The following PTPRZ1 variants were observed in gnomAD, a reference collection of about 807,000 sequenced individuals.
PTPRZ1 encodes the protein protein tyrosine phosphatase receptor type Z1, also known as receptor-type tyrosine-protein phosphatase zeta.
PTPRZ1 carries 82 observed loss-of-function variants against 214.1 expected under a neutral mutation model. That is an observed-to-expected ratio of 0.38 (90% CI 0.32 to 0.46). PTPRZ1 has a LOEUF of 0.46. Among genes scored for constraint, PTPRZ1 ranks in the 20% least tolerant of loss-of-function variants. The pLI is 1.00. For synonymous variants in PTPRZ1, 945 were observed against 987.9 expected (o/e 0.96, Z 0.81); for missense variants, 2,603 against 2,748.7 (o/e 0.95, Z 1.19).
At chr7:122,021,905 T>C (rs1051442932) in intron 13 of PTPRZ1, among the ~76,000 whole-genome samples, 1 of 152,222 alleles carries the variant, frequency 6.6e-6, no homozygotes, top group Non-Finnish European at 1.5e-5. Context: ...AATTTTCATA[T>C]CATCATATGC....
rs1584788907 is a variant in PTPRZ1 at position 122,060,929 on chromosome 7, G to A, written c.6808-151G>A. 10 of 551,236 alleles carry A rather than the reference G, an allele frequency of 1.8e-5. No homozygotes were observed. The South Asian group carries it at 3.4e-4, about 19-fold the overall frequency. The allele number at this position is 551,236 out of a possible 1,614,324, so 34.1% of individuals were successfully genotyped here. On this transcript the variant is annotated intron_variant, in intron 29 of 29. Transcript: ENST00000393386. ...TTTAATCAGAAGAGACATCAGTATA[G>A]GTTGTGTGCATCTGCTGAGTATAAC...
chr7:121,966,502 C>G (rs901191898), intron 2 of PTPRZ1, among the ~76,000 whole-genome samples: 8 of 152,138 alleles, frequency 5.3e-5, no homozygotes, highest in Admixed American at 6.6e-5. Context: ...AACATCATTA[C>G]TCAAATCATT....
chr7:121,937,171 C>T (rs572680826), intron 2 of PTPRZ1, among the ~76,000 whole-genome samples: 189 of 152,226 alleles, frequency 1.2e-3, no homozygotes, highest in African/African-American at 4.1e-3. Context: ...TGTGCAATTG[C>T]ACAATTGCAC....
chr7:121,887,549 C>A (rs1319663671), intron 1 of PTPRZ1, among the ~76,000 whole-genome samples: 1 of 152,060 alleles, frequency 6.6e-6, no homozygotes, highest in East Asian at 1.9e-4. Flanking sequence ...AGATTTTGAA[C>A]TGAATTGGCA....
At chr7:121,998,097 T>C in intron 10 of PTPRZ1, 91 bp downstream of exon 10, 2 of 1,413,488 alleles carry the variant, frequency 1.4e-6, no homozygotes, top group South Asian at 1.3e-5. Flanking sequence ...CTATATTCTT[T>C]TGGCCAAAAG....
intron 1 of PTPRZ1, among the ~76,000 whole-genome samples, chr7:121,879,061 G>A (rs1292979393): frequency 6.6e-6 from 1 of 152,146 alleles, no homozygotes; most frequent in African/African-American, 2.4e-5. Context: ...AGAAATACAC[G>A]TAAGCATATA....
At chr7:121,873,638 T>TGCCGCC (rs747244152) in intron 1 of PTPRZ1, 81 bp downstream of exon 1, 9 of 1,513,366 alleles carry the variant, frequency 5.9e-6, no homozygotes, top group Admixed American at 1.7e-5. Context: ...GTCCGCGACT[T>TGCCGCC]GCCGCCGCCG....
chr7:122,001,379 T>C (rs1017501761), intron 10 of PTPRZ1, among the ~76,000 whole-genome samples: 1 of 152,330 alleles, frequency 6.6e-6, no homozygotes, highest in Admixed American at 6.5e-5. Flanking sequence ...CTAATTAACA[T>C]ACAGCTCTGG....
chr7:121,896,044 T>C (rs1372074059), intron 1 of PTPRZ1, among the ~76,000 whole-genome samples: 1 of 152,210 alleles, frequency 6.6e-6, no homozygotes, highest in African/African-American at 2.4e-5. Context: ...ATATATTCAC[T>C]GATTATCTGA....
intron 14 of PTPRZ1, among the ~76,000 whole-genome samples, chr7:122,029,453 G>T (rs1799307276): frequency 1.3e-5 from 2 of 151,908 alleles, no homozygotes; most frequent in South Asian, 4.1e-4. Flanking sequence ...TAACATCTTG[G>T]ATTGAAAAGT....
intron 1 of PTPRZ1, among the ~76,000 whole-genome samples, chr7:121,919,619 C>A (rs935826737): frequency 2.0e-5 from 3 of 151,890 alleles, no homozygotes; most frequent in Admixed American, 6.6e-5. Context: ...TAAAAACATT[C>A]TTTATTCCAC....
intron 6 of PTPRZ1, among the ~76,000 whole-genome samples, chr7:121,977,375 CT>C (rs1461152574): frequency 2.0e-5 from 3 of 152,184 alleles, no homozygotes; most frequent in African/African-American, 7.2e-5. Flanking sequence ...TGACATTGTT[CT>C]GCCTGCTATC....
chr7:122,022,547 T>C (rs1477173837), intron 13 of PTPRZ1, among the ~76,000 whole-genome samples: 1 of 152,240 alleles, frequency 6.6e-6, no homozygotes, highest in Non-Finnish European at 1.5e-5. Flanking sequence ...TTTTTATATA[T>C]TCTAGATACA....
chr7:122,014,525 G>A (rs1029867206), intron 12 of PTPRZ1, among the ~76,000 whole-genome samples: 5 of 151,994 alleles, frequency 3.3e-5, no homozygotes, highest in Admixed American at 6.6e-5. Flanking sequence ...TACAAGCTCC[G>A]CCTCCCAGGT....
chr7:122,037,066 A>T (rs961349130), intron 18 of PTPRZ1, among the ~76,000 whole-genome samples: 1 of 151,992 alleles, frequency 6.6e-6, no homozygotes, highest in Non-Finnish European at 1.5e-5. Context: ...AGGTCAGAAG[A>T]TCGAGACCAT....
At chr7:121,886,370 A>G (rs1794396938) in intron 1 of PTPRZ1, among the ~76,000 whole-genome samples, 1 of 151,928 alleles carries the variant, frequency 6.6e-6, no homozygotes, top group Non-Finnish European at 1.5e-5. Context: ...TTTTTTATAT[A>G]TCATATATGT....
In PTPRZ1 at chr7:122,042,709, T is replaced by C; in HGVS notation, c.5903T>C (p.Ile1968Thr). 2 of 1,612,988 alleles carry C rather than the reference T, an allele frequency of 1.2e-6. No homozygotes were observed. The highest frequency in any genetic ancestry group is 1.7e-6 in the Non-Finnish European group (2 of 1,178,968). ...TVNIFGFLKH[I>T]RSQRNYLVQT... Reference sequence around the variant, plus strand: ...AACATATTTGGCTTCTTAAAACACATCCGTTCACAAAGAAATTATTTGGTA... The same window carrying C: ...AACATATTTGGCTTCTTAAAACACACCCGTTCACAAAGAAATTATTTGGTA... The change falls in exon 22 of 30, where the codon ATC becomes ACC. Residue 1968 changes from isoleucine (I) to threonine (T), a missense_variant. Around this residue, in one of 6 missense-constraint regions of PTPRZ1, gnomAD observed 1,913 missense variants for 1,914.3 expected, o/e 1.00. Transcript: ENST00000393386.
chr7:122,037,301 G>A (rs1027489153), intron 18 of PTPRZ1, among the ~76,000 whole-genome samples: 4 of 151,992 alleles, frequency 2.6e-5, no homozygotes, highest in Non-Finnish European at 5.9e-5. Context: ...TGAAGGGCAG[G>A]GCCAAGGCTT....
In PTPRZ1 at chr7:121,968,075, G is replaced by C; in HGVS notation, c.249G>C (p.Gln83His). Residue 83 changes from glutamine (Q) to histidine (H), a missense_variant, in exon 3 of 30, where the codon CAG (glutamine) becomes CAC (histidine). By Grantham distance (24) the Gln-to-His change is conservative. This residue lies in a region of PTPRZ1 where 141 missense variants were observed against 143.7 expected (regional missense o/e 0.98). Transcript: ENST00000393386. Reference protein sequence around the residue: ...VNVNLKKLKFQGWDKTSLENT... With the variant: ...VNVNLKKLKFHGWDKTSLENT... The stretch of plus-strand genomic sequence containing the variant: ...TGAATCTTAAGAAACTTAAATTTCA[G>C]GGTTGGGATAAAACATCATTGGAAA... 1 of 1,607,040 alleles carries C rather than the reference G, an allele frequency of 6.2e-7. No individual in the cohort carries two copies. The highest frequency in any genetic ancestry group is 8.5e-7 in the Non-Finnish European group (1 of 1,176,092).
Sources: gnomAD v4.1 joint callset for allele counts (sites outside exome capture counted in the v4.1 genomes callset) on GRCh38, gnomAD v4.1.1 for gene constraint, gnomAD v4.1.1 regional missense constraint, MANE v1.5 for transcripts, NCBI Gene and HGNC (gene_info 2026-07-23, HGNC 2026-07-21) for gene names.